The following DAB1 variants were observed in gnomAD, a reference collection of about 807,000 sequenced individuals.
The protein encoded by DAB1 is disabled homolog 1.
In DAB1, 15 loss-of-function variants were observed where a neutral mutation model predicts 64.6. That is an observed-to-expected ratio of 0.23 (90% confidence interval 0.16 to 0.36). The LOEUF (loss-of-function observed/expected upper bound fraction) is 0.36, where lower values mean the gene tolerates loss of function less well. Among genes scored for constraint, DAB1 ranks in the 10% least tolerant of loss-of-function variants. DAB1 has a pLI of 1.00. For synonymous variants in DAB1, 235 were observed against 251.9 expected, an observed-to-expected ratio of 0.93 and a Z score of 0.64; for missense variants, 596 against 706.7, an observed-to-expected ratio of 0.84 and a Z score of 1.78.
Position 58,250,742 on chromosome 1 carries a change from A to C in DAB1, n.309+92610T>G, listed in dbSNP as rs574844920. On this transcript the variant is annotated intron_variant and non_coding_transcript_variant, in intron 4 of 20. Coordinates refer to the DAB1 transcript ENST00000485760. ...GGTCTACAACTTGCAGCCATTCTGC[A>C]GTCTTCAGTTTGCAGTTCTCAGTGT... Among the ~76,000 whole-genome samples, 6 of 152,310 alleles carry C rather than the reference A, an allele frequency of 3.9e-5. No homozygotes were observed. The South Asian group carries it at 1.0e-3, about 26-fold the overall frequency.
chr1:58,472,670 G>C (rs1645372850), intron 3 of DAB1, among the ~76,000 whole-genome samples: 1 of 152,224 alleles, frequency 6.6e-6, no homozygotes, highest in Non-Finnish European at 1.5e-5. Flanking sequence ...GTAGAGGACA[G>C]AAAATCCAAG....
At chr1:57,994,168 A>G (rs572675366) in intron 5 of DAB1, among the ~76,000 whole-genome samples, 2 of 152,310 alleles carry the variant, frequency 1.3e-5, no homozygotes, top group South Asian at 2.1e-4. Context: ...GTGTACATAG[A>G]GCAAGGTAAC....
At chr1:57,949,020 T>C (rs1645225866) in intron 5 of DAB1, among the ~76,000 whole-genome samples, 1 of 152,200 alleles carries the variant, frequency 6.6e-6, no homozygotes, top group South Asian at 2.1e-4. Flanking sequence ...CAATCTACCA[T>C]TGTACCAACT....
intron 1 of DAB1, among the ~76,000 whole-genome samples, chr1:57,316,419 T>C (rs1033307935): frequency 6.6e-6 from 1 of 152,112 alleles, no homozygotes; most frequent in Non-Finnish European, 1.5e-5. Flanking sequence ...CCCCCTCAAA[T>C]GAAGATTTTA....
chr1:57,239,806 C>T (rs999200845), intron 2 of DAB1, among the ~76,000 whole-genome samples: 1 of 152,168 alleles, frequency 6.6e-6, no homozygotes, highest in Non-Finnish European at 1.5e-5. Flanking sequence ...TCTTTTCTGA[C>T]TCTCAAAGAC....
chr1:58,319,288 C>G (rs1569638170), intron 4 of DAB1, among the ~76,000 whole-genome samples: 1 of 152,132 alleles, frequency 6.6e-6, no homozygotes, highest in East Asian at 1.9e-4. Context: ...GTATTCATGG[C>G]TATTGATATT....
chr1:57,575,202 C>G (rs1645236268), intron 7 of DAB1, among the ~76,000 whole-genome samples: 1 of 152,104 alleles, frequency 6.6e-6, no homozygotes, highest in South Asian at 2.1e-4. Context: ...GGGCTTCAGT[C>G]AAATATTCTA....
intron 5 of DAB1, among the ~76,000 whole-genome samples, chr1:58,002,628 A>C (rs566861956): frequency 6.6e-6 from 1 of 152,270 alleles, no homozygotes; most frequent in South Asian, 2.1e-4. Context: ...AGTTACCTAT[A>C]ACAAAGAAAT....
intron 6 of DAB1, among the ~76,000 whole-genome samples, chr1:57,739,540 A>T (rs1193107674): frequency 7.3e-6 from 1 of 137,626 alleles, no homozygotes; most frequent in Non-Finnish European, 1.5e-5. Context: ...TCCCCCTCCC[A>T]GGTTCAAGCG....
At chr1:57,145,747 A>G (rs1659060160) in intron 2 of DAB1, among the ~76,000 whole-genome samples, 1 of 152,234 alleles carries the variant, frequency 6.6e-6, no homozygotes, top group Admixed American at 6.5e-5. Flanking sequence ...TCAGGGTTTG[A>G]TAAGCAAGAG....
chr1:57,132,819 G>A (rs1303434480), intron 4 of DAB1, among the ~76,000 whole-genome samples: 2 of 152,028 alleles, frequency 1.3e-5, no homozygotes, highest in African/African-American at 4.8e-5. Context: ...CTTCACTCAG[G>A]AAAGCTCATC....
At chr1:58,122,904 G>C (rs1010773781) in intron 5 of DAB1, among the ~76,000 whole-genome samples, 5 of 152,170 alleles carry the variant, frequency 3.3e-5, no homozygotes, top group Non-Finnish European at 5.9e-5. Flanking sequence ...GCTGGGTTTA[G>C]AGAATGAGTA....
chr1:58,053,376 A>T (rs998862003), intron 5 of DAB1, among the ~76,000 whole-genome samples: 8 of 152,202 alleles, frequency 5.3e-5, no homozygotes. Context: ...GTAGAAGGTT[A>T]GGGAGAGCCC....
intron 6 of DAB1, among the ~76,000 whole-genome samples, chr1:57,692,955 C>T (rs1646781172): frequency 6.6e-6 from 1 of 152,044 alleles, no homozygotes; most frequent in South Asian, 2.1e-4. Context: ...CATGGCTTCT[C>T]CCCTTTCTAG....
At chr1:57,439,586 G>A (rs1019915615) in intron 7 of DAB1, among the ~76,000 whole-genome samples, 91 of 144,846 alleles carry the variant, frequency 6.3e-4, no homozygotes, top group African/African-American at 2.3e-3. Context: ...CCGCCACCGC[G>A]CCCGGCTAAT....
At chr1:58,093,114 T>C (rs1187176168) in intron 5 of DAB1, among the ~76,000 whole-genome samples, 3 of 152,132 alleles carry the variant, frequency 2.0e-5, no homozygotes, top group Non-Finnish European at 4.4e-5. Context: ...CAGACTACCC[T>C]TTTTCGACTG....
At chr1:57,396,040 A>G (rs547680817) in intron 1 of DAB1, among the ~76,000 whole-genome samples, 1 of 152,354 alleles carries the variant, frequency 6.6e-6, no homozygotes, top group Non-Finnish European at 1.5e-5. Context: ...TTGTGGGGCT[A>G]GACCACCCAA....
intron 4 of DAB1, among the ~76,000 whole-genome samples, chr1:58,212,662 C>T (rs139355126): frequency 0.011 from 1,656 of 152,274 alleles, 30 homozygotes; most frequent in African/African-American, 0.038. Context: ...GAAACTTAAA[C>T]TCATCTTATC....
intron 2 of DAB1, among the ~76,000 whole-genome samples, chr1:57,254,123 G>T (rs943048786): frequency 6.6e-6 from 1 of 152,184 alleles, no homozygotes; most frequent in Non-Finnish European, 1.5e-5. Context: ...GCAGTCCCAG[G>T]ATTATTTCAA....
Sources: allele counts gnomAD v4.1 joint callset (sites outside exome capture counted in the v4.1 genomes callset), GRCh38; gene constraint gnomAD v4.1.1; transcripts MANE v1.5; gene names NCBI Gene and HGNC (gene_info 2026-07-23, HGNC 2026-07-21).